Variants in RAD50 observed in about 807,000 individuals in gnomAD.
RAD50 encodes RAD50 double strand break repair protein, also known as DNA repair protein RAD50.
Under a neutral mutation model 168.8 loss-of-function variants are expected in RAD50, and 132 were observed. The ratio of observed to expected loss-of-function variants is 0.78; its 90% CI spans 0.68 to 0.90. RAD50 has a LOEUF of 0.90. Ranked by LOEUF, RAD50 falls within the 40% of genes least tolerant of loss-of-function variation. RAD50 has a pLI of 0.00. For missense variants in RAD50, 1,347 were observed against 1,534.4 expected, an observed-to-expected ratio of 0.88 and a Z score of 2.04; for synonymous variants, 525 against 497.4, an observed-to-expected ratio of 1.06 and a Z score of -0.74.
intron 21 of RAD50, among the ~76,000 whole-genome samples, chr5:132,619,819 T>TCTCCTC (rs1751246196): frequency 8.6e-6 from 1 of 116,416 alleles, no homozygotes; most frequent in African/African-American, 4.6e-5. Context: ...TCTACTCCTC[T>TCTCCTC]CTCTCTCTCT....
intron 2 of RAD50, among the ~76,000 whole-genome samples, chr5:132,565,780 C>T (rs1053186884): frequency 1.3e-4 from 20 of 152,318 alleles, no homozygotes; most frequent in Admixed American, 1.1e-3. Context: ...AATCCCCACA[C>T]TATTCCCTGG....
At chr5:132,606,921 G>A (rs775502183) in intron 16 of RAD50, among the ~76,000 whole-genome samples, 5 of 152,058 alleles carry the variant, frequency 3.3e-5, no homozygotes, top group African/African-American at 9.7e-5. Flanking sequence ...ATTCAACACC[G>A]CTTCATGCTA....
In RAD50 at chr5:132,642,177, G is replaced by A. The variant is rs1554101314; in HGVS notation, c.3753-1G>A. On this transcript the variant is annotated splice_acceptor_variant, in intron 24 of 24. Coordinates refer to ENST00000378823, the MANE Select transcript of RAD50 (RefSeq NM_005732.4). LOFTEE classifies it high-confidence loss of function. Reference sequence around the variant, plus strand: ...AATATGTTCTGAATATATTGTTGCAGGATAATAAAAAGTCGCTCACAGCAG... The same window carrying A: ...AATATGTTCTGAATATATTGTTGCAAGATAATAAAAAGTCGCTCACAGCAG... 1 of 1,613,182 alleles carries A rather than the reference G, an allele frequency of 6.2e-7. No individual in the cohort carries two copies. Among genetic ancestry groups the A allele is most frequent in the Non-Finnish European group, 8.5e-7 (1 of 1,179,158 alleles).
At chr5:132,605,325 GAGCC>G (rs1281508936) in intron 16 of RAD50, among the ~76,000 whole-genome samples, 1 of 152,012 alleles carries the variant, frequency 6.6e-6, no homozygotes. Context: ...TTACAGGCGT[GAGCC>G]AGCATGCCCC....
rs1580994496 is a variant in RAD50, at chr5:132,591,387, A to G, written c.1616A>G (p.Glu539Gly). The change falls in exon 10 of 25, where the codon GAG becomes GGG. Residue 539 changes from glutamate (E) to glycine (G), a missense_variant. Coordinates refer to ENST00000378823, the MANE Select transcript of RAD50 (RefSeq NM_005732.4). ...NHHTTTRTQM[E>G]MLTKDKADKD... ...CATACAACAACACGTACCCAAATGGAGATGCTGACCAAAGACAAAGTATGA... is the reference window on the plus strand; with the variant it reads ...CATACAACAACACGTACCCAAATGGGGATGCTGACCAAAGACAAAGTATGA... 1 of 1,613,768 alleles carries G rather than the reference A, an allele frequency of 6.2e-7. No homozygotes were observed. The highest frequency in any genetic ancestry group is 8.5e-7 in the Non-Finnish European group (1 of 1,179,808).
At chr5:132,594,798 T>C (rs1180288287) in intron 11 of RAD50, 71 bp from the exon 12 acceptor site, 16 of 1,444,840 alleles carry the variant, frequency 1.1e-5, no homozygotes, top group Non-Finnish European at 1.5e-5. Flanking sequence ...TTGTCTTGTT[T>C]TTGCCTACTC....
rs771483160 is a variant in RAD50, at chr5:132,638,069, T to C, written c.3476-12T>C. 9.9e-6 allele frequency: 16 copies of C among 1,613,482 alleles called. No homozygotes were observed. Among genetic ancestry groups the C allele is most frequent in the Non-Finnish European group, 1.3e-5 (15 of 1,179,542 alleles). On this transcript the variant is annotated splice_polypyrimidine_tract_variant and intron_variant, in intron 22 of 24. Transcript: ENST00000378823. ...CATAGGTTCCTCTAAAATATTCTTCTTCCTGTGTCAGATATTGAATACATA... is the reference window on the plus strand; with the variant it reads ...CATAGGTTCCTCTAAAATATTCTTCCTCCTGTGTCAGATATTGAATACATA...
intron 3 of RAD50, among the ~76,000 whole-genome samples, chr5:132,577,543 A>G (rs769306360): frequency 6.6e-6 from 1 of 152,186 alleles, no homozygotes; most frequent in African/African-American, 2.4e-5. Context: ...CTAGACCTCC[A>G]TGATACAATA....
intron 21 of RAD50, among the ~76,000 whole-genome samples, chr5:132,628,111 T>TTCC (rs1561654785): frequency 2.0e-5 from 3 of 152,104 alleles, no homozygotes; most frequent in Non-Finnish European, 4.4e-5. Flanking sequence ...TTTGTACACT[T>TTCC]TAAGTTTGAA....
intron 22 of RAD50, among the ~76,000 whole-genome samples, chr5:132,637,529 C>CT (rs377716981): frequency 5.0e-4 from 72 of 144,058 alleles, no homozygotes; most frequent in Admixed American, 1.4e-3. Context: ...TTTTCTTTTT[C>CT]TTTTTTTTTT....
intron 5 of RAD50, among the ~76,000 whole-genome samples, chr5:132,581,249 G>A (rs1450001452): frequency 6.6e-6 from 1 of 151,182 alleles, no homozygotes; most frequent in Non-Finnish European, 1.5e-5. Flanking sequence ...ACAGGCATGA[G>A]CCACCACGCC....
At chr5:132,572,182 A>G (rs936079990) in intron 2 of RAD50, among the ~76,000 whole-genome samples, 8 of 152,338 alleles carry the variant, frequency 5.3e-5, no homozygotes, top group South Asian at 2.1e-4. Context: ...ATACTCATTC[A>G]TGATAAAAAC....
At position 132,613,755 on chromosome 5, in the gene RAD50, C is replaced by T. The variant is rs937677372; in HGVS notation, c.3037-2248C>T. On this transcript the variant is annotated intron_variant, in intron 19 of 24. Transcript: ENST00000378823. ...GGGGCTACAGGCGAGTGCCACCAGG[C>T]CTGGCTAATTTTTGTATTTTTAGTA... Among the ~76,000 whole-genome samples, 3 of 151,848 alleles carry T rather than the reference C, an allele frequency of 2.0e-5. No homozygotes were observed. The East Asian group carries it at 5.8e-4, about 29-fold the overall frequency.
rs1462281428 is a variant in RAD50, at chr5:132,643,168, A to G, written c.*804A>G. The G allele has an allele frequency of 1.6e-5, 7 of 443,746 alleles. No individual in the cohort carries two copies. The highest frequency in any genetic ancestry group is 1.2e-4 in the South Asian group (6 of 51,920). 27.5% of individuals were successfully genotyped at this position (443,746 alleles called of 1,614,324 possible). A position where few individuals can be genotyped will look rare whatever the true frequency, so the allele number is the denominator to read the frequency against. On this transcript the variant is annotated 3_prime_UTR_variant, in exon 25 of 25. Coordinates refer to ENST00000378823, the MANE Select transcript of RAD50 (RefSeq NM_005732.4). ...GTGTAGCATACTGGCTTCACCATCA[A>G]TCCTGATTCCTCTCTAAGTGGGCAT...
In RAD50 at chr5:132,588,825, A is replaced by T. The variant is rs562153754; in HGVS notation, c.1190A>T (p.His397Leu). 133 of 1,614,082 alleles carry T rather than the reference A, an allele frequency of 8.2e-5. 1 individual carries two copies. The South Asian group carries it at 1.4e-3, about 17-fold the overall frequency. ...AGTGAAAGACAGATTAAAAATTTTCACAAACTTGTGAGAGAGAGACAAGAA... is the reference window on the plus strand; with the variant it reads ...AGTGAAAGACAGATTAAAAATTTTCTCAAACTTGTGAGAGAGAGACAAGAA... ...PFSERQIKNF[H>L]KLVRERQEGE... is the part of the protein sequence containing the mutation. Residue 397 changes from histidine (H) to leucine (L), a missense_variant, in exon 8 of 25, where the codon CAC becomes CTC. His to Leu is a moderately conservative substitution (Grantham distance 99). This residue lies in a region of RAD50 where 703 missense variants were observed against 767.7 expected (regional missense o/e 0.92). Transcript: ENST00000378823.
At position 132,594,967 on chromosome 5, in the gene RAD50, A is replaced by G. The variant is rs1372866109; in HGVS notation, c.1892A>G (p.Asp631Gly). Residue 631 changes from aspartate (D) to glycine (G), a missense_variant, in exon 12 of 25, where the codon GAT becomes GGT. By Grantham distance (94) the Asp-to-Gly change is moderately conservative. Transcript: ENST00000378823. ...TCCAGTTACGAAGACAAGCTGTTTGATGTTTGTGGTAGCCAGGATTTTGAA... is the reference window on the plus strand; with the variant it reads ...TCCAGTTACGAAGACAAGCTGTTTGGTGTTTGTGGTAGCCAGGATTTTGAA... ...QLSSYEDKLF[D>G]VCGSQDFESD... is the part of the protein sequence containing the mutation. 6.2e-7 allele frequency: 1 copy of G among 1,612,922 alleles called. No individual in the cohort carries two copies. The highest frequency in any genetic ancestry group is 1.7e-5 in the Admixed American group (1 of 60,006).
At chr5:132,635,384 C>T (rs1357799656) in intron 21 of RAD50, among the ~76,000 whole-genome samples, 3 of 152,198 alleles carry the variant, frequency 2.0e-5, no homozygotes, top group African/African-American at 7.2e-5. Context: ...TAGTCATCCC[C>T]ATCTCTTACA....
chr5:132,637,824 G>T (rs948256691), intron 22 of RAD50, among the ~76,000 whole-genome samples: 1 of 152,108 alleles, frequency 6.6e-6, no homozygotes, highest in Non-Finnish European at 1.5e-5. Context: ...GAGCCACCGC[G>T]CCTGGCCTGG....
At chr5:132,588,188 C>G (rs1455087696) in intron 7 of RAD50, 99 bp downstream of exon 7, 2 of 1,387,020 alleles carry the variant, frequency 1.4e-6, no homozygotes, top group African/African-American at 2.9e-5. Context: ...AGTGAAAAGC[C>G]AATCTTAAAA....
Sources: gnomAD v4.1 joint callset for allele counts (sites outside exome capture counted in the v4.1 genomes callset) on GRCh38, gnomAD v4.1.1 for gene constraint, gnomAD v4.1.1 regional missense constraint, MANE v1.5 for transcripts, NCBI Gene and HGNC (gene_info 2026-07-23, HGNC 2026-07-21) for gene names.